The following ABHD8 variants were observed in gnomAD, a reference collection of about 807,000 sequenced individuals.
The protein encoded by ABHD8 is protein ABHD8.
A neutral mutation model predicts 29.3 loss-of-function variants in ABHD8; 10 were observed. The ratio of observed to expected loss-of-function variants is 0.34; its 90% CI spans 0.21 to 0.58. ABHD8 has a LOEUF of 0.58. ABHD8 is among the 20% of genes least tolerant of loss of function. The probability of loss-of-function intolerance (pLI) is 0.85; values close to 1 mark genes in which losing one functional copy is unlikely to be tolerated. For missense variants in ABHD8, 556 were observed against 615.3 expected (o/e 0.90, Z 1.02); for synonymous variants, 282 against 274.6 (o/e 1.03, Z -0.27).
At chr19:17,295,943 T>A (rs2074092115) in intron 2 of ABHD8, among the ~76,000 whole-genome samples, 1 of 152,166 alleles carries the variant, frequency 6.6e-6, no homozygotes, top group Non-Finnish European at 1.5e-5. Context: ...ACTCCTGGGC[T>A]CAAGTGATCC....
In ABHD8 at chr19:17,301,356, A is replaced by G. The variant is rs2074117331; in HGVS notation, c.261T>C (p.Asn87=). ...RCQRRITVYR[N]GRLLVENLGR... ...CCAGGTTTTCCACCAGCAACCGCCC[A>G]TTGCGGTACACGGTGATCCGGCGCT... Residue 87 remains asparagine (N), a synonymous_variant, in exon 2 of 5, where the codon AAT becomes AAC. Coordinates refer to ENST00000247706, the MANE Select transcript of ABHD8 (RefSeq NM_024527.5). The G allele has an allele frequency of 1.2e-6, 2 of 1,610,012 alleles. No individual in the cohort carries two copies. Among genetic ancestry groups the G allele is most frequent in the African/African-American group, 1.3e-5 (1 of 74,924 alleles).
In ABHD8 at chr19:17,300,957, C is replaced by T; in HGVS notation, c.660G>A (p.Gln220=). The T allele has an allele frequency of 6.2e-7, 1 of 1,613,542 alleles. No individual in the cohort carries two copies. Among genetic ancestry groups the T allele is most frequent in the Non-Finnish European group, 8.5e-7 (1 of 1,179,986 alleles). The change falls in exon 2 of 5, where the codon CAG becomes CAA. Residue 220 remains glutamine (Q), a synonymous_variant. Coordinates refer to ENST00000247706, the MANE Select transcript of ABHD8 (RefSeq NM_024527.5). ...LAGHGASSAP[Q]VAAAYTFYAL... ...CATAGAAGGTGTAGGCTGCGGCCAC[C>T]TGGGGCGCAGAGCTGGCCCCGTGGC...
At chr19:17,302,385 A>G (rs1391849599) in intron 1 of ABHD8, among the ~76,000 whole-genome samples, 2 of 152,218 alleles carry the variant, frequency 1.3e-5, no homozygotes, top group African/African-American at 4.8e-5. Context: ...TCATTCAGGT[A>G]TACACTAACT....
At chr19:17,297,945 C>A in intron 2 of ABHD8, 1 of 141,032 alleles carries the variant, frequency 7.1e-6, no homozygotes, top group Non-Finnish European at 1.5e-5. Flanking sequence ...GATGGAGTCT[C>A]ACTCTGTCAC....
intron 2 of ABHD8, 114 bp downstream of exon 2, chr19:17,300,742 T>C: frequency 3.0e-6 from 4 of 1,337,876 alleles, no homozygotes; most frequent in Non-Finnish European, 4.1e-6. Context: ...CCTCCCAAAG[T>C]GCTGGGATTA....
intron 2 of ABHD8, among the ~76,000 whole-genome samples, chr19:17,295,625 C>A (rs772742052): frequency 1.1e-4 from 17 of 152,038 alleles, no homozygotes; most frequent in Admixed American, 2.6e-4. Context: ...TCAGGCTGGT[C>A]GAGAACTCCT....
In ABHD8 at chr19:17,300,917, T is replaced by A. The variant is rs1459777077; in HGVS notation, c.700A>T (p.Met234Leu). Residue 234 changes from methionine (M) to leucine (L), a missense_variant, in exon 2 of 5, where the codon ATG becomes TTG. This residue lies in a region of ABHD8 where 270 missense variants were observed against 353.9 expected (regional missense o/e 0.76). Coordinates refer to ENST00000247706, the MANE Select transcript of ABHD8 (RefSeq NM_024527.5). Reference sequence around the variant, plus strand: ...GCATAGCGCTTGAAGATTGCTCGCATGTCCTCAGCCAGCGCATAGAAGGTG... The same window carrying A: ...GCATAGCGCTTGAAGATTGCTCGCAAGTCCTCAGCCAGCGCATAGAAGGTG... Reference protein sequence around the residue: ...AYTFYALAEDMRAIFKRYAKK... With the variant: ...AYTFYALAEDLRAIFKRYAKK... 1 of 1,610,222 alleles carries A rather than the reference T, an allele frequency of 6.2e-7. No homozygotes were observed. The highest frequency in any genetic ancestry group is 8.5e-7 in the Non-Finnish European group (1 of 1,177,628).
intron 2 of ABHD8, among the ~76,000 whole-genome samples, chr19:17,297,390 G>C (rs1344852538): frequency 3.3e-5 from 5 of 152,008 alleles, no homozygotes; most frequent in Non-Finnish European, 7.4e-5. Context: ...CCACCTCATG[G>C]GTTCGAATGA....
At chr19:17,303,065 C>G (rs1041997261) in intron 1 of ABHD8, 177 bp downstream of exon 1, 2 of 152,262 alleles carry the variant, frequency 1.3e-5, no homozygotes, top group Non-Finnish European at 2.9e-5. Flanking sequence ...ACCCCAGCCC[C>G]GCTTCCCCGC....
At chr19:17,299,786 T>C (rs2074109353) in intron 2 of ABHD8, among the ~76,000 whole-genome samples, 1 of 151,962 alleles carries the variant, frequency 6.6e-6, no homozygotes, top group African/African-American at 2.4e-5. Flanking sequence ...ATTAGGATTT[T>C]TGTTTGCTTT....
intron 1 of ABHD8, among the ~76,000 whole-genome samples, chr19:17,302,577 C>A (rs2074125759): frequency 6.6e-6 from 1 of 152,162 alleles, no homozygotes; most frequent in Non-Finnish European, 1.5e-5. Context: ...TTGCTCAGCT[C>A]CCCTAGACCG....
chr19:17,294,138 C>T (rs1010880548), intron 4 of ABHD8, 150 bp downstream of exon 4: 3 of 909,304 alleles, frequency 3.3e-6, no homozygotes, highest in Admixed American at 2.7e-5. Flanking sequence ...CAAGATACAG[C>T]AACTAGAGGC....
At chr19:17,300,314 C>T (rs1568348167) in intron 2 of ABHD8, among the ~76,000 whole-genome samples, 1 of 151,904 alleles carries the variant, frequency 6.6e-6, no homozygotes, top group South Asian at 2.1e-4. Flanking sequence ...CAAGCAATCT[C>T]CTGCCTCAGC....
At position 17,301,124 on chromosome 19, in the gene ABHD8, G is replaced by T; in HGVS notation, c.493C>A (p.Arg165Ser). Residue 165 changes from arginine to serine, a missense_variant, in exon 2 of 5, where the codon CGC (arginine) becomes AGC (serine). Physicochemically the swap from Arg to Ser is moderately radical, Grantham distance 110 (BLOSUM62 -1). Transcript: ENST00000247706. Reference sequence around the variant, plus strand: ...TGGGCGCCTTTGCAGCTAGTGATGCGCTTCTCACAGTCAATATGGATGGTC... The same window carrying T: ...TGGGCGCCTTTGCAGCTAGTGATGCTCTTCTCACAGTCAATATGGATGGTC... ...KRTIHIDCEKRITSCKGAQAD... is the reference protein window; with the variant it reads ...KRTIHIDCEKSITSCKGAQAD... The T allele has an allele frequency of 6.2e-7, 1 of 1,612,928 alleles. No individual in the cohort carries two copies. The highest frequency in any genetic ancestry group is 8.5e-7 in the Non-Finnish European group (1 of 1,180,000).
In ABHD8 at chr19:17,292,591, A is replaced by G. The variant is rs762996098; in HGVS notation, c.*70T>C. ...CCCGCCCAGGTGGTCTGCGCTGCAG[A>G]CCTGGCGCAGGCTCGGGCCTCCTCC... is the stretch of plus-strand genomic sequence containing the variant. On this transcript the variant is annotated 3_prime_UTR_variant, in exon 5 of 5. Coordinates refer to ENST00000247706, the MANE Select transcript of ABHD8 (RefSeq NM_024527.5). 2 of 1,487,152 alleles carry G rather than the reference A, an allele frequency of 1.3e-6. No homozygotes were observed. Among genetic ancestry groups the G allele is most frequent in the South Asian group, 2.6e-5 (2 of 76,266 alleles). 92.1% of individuals were successfully genotyped at this position (1,487,152 alleles called of 1,614,324 possible).
chr19:17,294,640 G>T (rs745904932), intron 3 of ABHD8, 35 bp downstream of exon 3: 3 of 1,610,340 alleles, frequency 1.9e-6, no homozygotes, highest in South Asian at 2.2e-5. Context: ...GTTCGCCAGG[G>T]CCAGGATCAC....
chr19:17,294,284 C>T lies in ABHD8; in HGVS notation c.1149+4G>A, dbSNP rs1473832837. 1 of 1,599,888 alleles carries T rather than the reference C, an allele frequency of 6.3e-7. No individual in the cohort carries two copies. The highest frequency in any genetic ancestry group is 8.5e-7 in the Non-Finnish European group (1 of 1,177,998). On this transcript the variant is annotated splice_donor_region_variant and intron_variant, in intron 4 of 4. Coordinates refer to ENST00000247706, the MANE Select transcript of ABHD8 (RefSeq NM_024527.5). ...GCTGTGGCGCCCCAGGTGCCCGCCT[C>T]TACCTCGGCCATGCGCTGGTCTTCC...
Position 17,292,741 on chromosome 19 carries a change from C to T in ABHD8, c.1240G>A (p.Glu414Lys), listed in dbSNP as rs373678410. 35 of 1,613,692 alleles carry T rather than the reference C, an allele frequency of 2.2e-5. No homozygotes were observed. Among genetic ancestry groups the T allele is most frequent in the Non-Finnish European group, 2.9e-5 (34 of 1,179,938 alleles). ...CPETVNTLLHEFLLWEPEPSP... is the reference protein window; with the variant it reads ...CPETVNTLLHKFLLWEPEPSP... ...GGCTCGGGCTCCCAGAGCAGGAATT[C>T]GTGGAGCAGCGTGTTGACCGTCTCA... Residue 414 changes from glutamate (E) to lysine (K), a missense_variant, in exon 5 of 5, where the codon GAA becomes AAA. This residue lies in a region of ABHD8 where 270 missense variants were observed against 353.9 expected (regional missense o/e 0.76). Coordinates refer to ENST00000247706, the MANE Select transcript of ABHD8 (RefSeq NM_024527.5).
intron 2 of ABHD8, among the ~76,000 whole-genome samples, chr19:17,295,307 A>G (rs1205807713): frequency 6.6e-6 from 1 of 151,816 alleles, no homozygotes. Context: ...GGGTTTCACC[A>G]TGTTGGTCGG....
Sources: gnomAD v4.1 joint callset for allele counts (sites outside exome capture counted in the v4.1 genomes callset) on GRCh38, gnomAD v4.1.1 for gene constraint, gnomAD v4.1.1 regional missense constraint, MANE v1.5 for transcripts, NCBI Gene and HGNC (gene_info 2026-07-23, HGNC 2026-07-21) for gene names.